MED13L: variants seen among roughly 807,000 people sequenced by gnomAD.
MED13L encodes the protein mediator of RNA polymerase II transcription subunit 13-like.
In MED13L, 7 loss-of-function variants were observed where a neutral mutation model predicts 220.9. The ratio of observed to expected loss-of-function variants is 0.03; its 90% confidence interval spans 0.02 to 0.06. MED13L has a LOEUF of 0.06. Among genes scored for constraint, MED13L ranks in the 10% least tolerant of loss-of-function variants. The pLI, the probability that MED13L is intolerant of heterozygous loss-of-function variation, is 1.00. For missense variants in MED13L, 1,965 were observed against 2,760.5 expected (o/e 0.71, Z 6.46); for synonymous variants, 1,011 against 1,015.2 (o/e 1.00, Z 0.08).
intron 17 of MED13L, among the ~76,000 whole-genome samples, chr12:115,987,631 CTTAA>C (rs1310053431): frequency 3.3e-5 from 5 of 151,966 alleles, no homozygotes; most frequent in African/African-American, 9.7e-5. Flanking sequence ...GCAAAAGTTT[CTTAA>C]TTATTACTTT....
At chr12:116,147,608 G>A (rs1032940337) in intron 2 of MED13L, among the ~76,000 whole-genome samples, 4 of 152,004 alleles carry the variant, frequency 2.6e-5, no homozygotes, top group Non-Finnish European at 5.9e-5. Flanking sequence ...TTGTATTAAC[G>A]ACTCTGCTAA....
At chr12:115,970,837 C>T (rs1592899428) in intron 26 of MED13L, 67 bp from the exon 27 acceptor site, 1 of 1,462,086 alleles carries the variant, frequency 6.8e-7, no homozygotes, top group East Asian at 2.4e-5. Flanking sequence ...TTCAGAGGGC[C>T]TGATCTGGAG....
intron 2 of MED13L, among the ~76,000 whole-genome samples, chr12:116,231,660 A>C (rs1052236626): frequency 6.6e-6 from 1 of 152,164 alleles, no homozygotes; most frequent in African/African-American, 2.4e-5. Context: ...TAATTTAATT[A>C]TATCGATATT....
In MED13L at chr12:116,015,223, C is replaced by A. The variant is rs1879654683; in HGVS notation, c.1061G>T (p.Gly354Val). The change falls in exon 8 of 31, where the codon GGA (glycine) becomes GTA (valine). Residue 354 changes from glycine to valine, a missense_variant. Coordinates refer to ENST00000281928, the MANE Select transcript of MED13L (RefSeq NM_015335.5). ...TGGACTGTGCATCGTTATCATCCCT[C>A]CATCTTGGGAAACCAGGTGACTGGC... ...SAASHLVSQDGGMITMHSPKR... is the reference protein window; with the variant it reads ...SAASHLVSQDVGMITMHSPKR... 6.2e-7 allele frequency: 1 copy of A among 1,613,848 alleles called. No homozygotes were observed.
intron 2 of MED13L, among the ~76,000 whole-genome samples, chr12:116,137,846 G>A (rs887547634): frequency 2.8e-4 from 41 of 146,508 alleles, no homozygotes; most frequent in Middle Eastern, 6.9e-3. Context: ...CCTTTATAAT[G>A]AGGTAATTTT....
At chr12:116,042,332 G>C (rs1386569882) in intron 4 of MED13L, among the ~76,000 whole-genome samples, 1 of 152,212 alleles carries the variant, frequency 6.6e-6, no homozygotes, top group Non-Finnish European at 1.5e-5. Context: ...GTGTTGGAAG[G>C]GATGAGGGGC....
chr12:116,202,156 G>A (rs1482480440), intron 2 of MED13L, among the ~76,000 whole-genome samples: 2 of 152,168 alleles, frequency 1.3e-5, no homozygotes, highest in African/African-American at 4.8e-5. Flanking sequence ...GTTTAAAGCA[G>A]GGCATGTGCA....
chr12:116,271,047 A>G (rs1873279092), intron 1 of MED13L, among the ~76,000 whole-genome samples: 1 of 148,786 alleles, frequency 6.7e-6, no homozygotes, highest in East Asian at 2.0e-4. Flanking sequence ...TCTCAAAAAA[A>G]AAAAAAAAAA....
Position 116,247,814 on chromosome 12 carries a change from G to C in MED13L, c.73-10109C>G, listed in dbSNP as rs188229775. On this transcript the variant is annotated intron_variant, in intron 1 of 30. Coordinates refer to ENST00000281928, the MANE Select transcript of MED13L (RefSeq NM_015335.5). ...AAAGTATAAAGATTTTTTAAAAGTT[G>C]GTTTATAGCGTAAGTATAAGGGCTC... is the stretch of plus-strand genomic sequence containing the variant. Among the ~76,000 whole-genome samples, 433 of 152,162 alleles carry C rather than the reference G, an allele frequency of 2.8e-3. 7 individuals carry two copies. The highest frequency in any genetic ancestry group is 1.5e-3 in the Non-Finnish European group (102 of 67,996).
intron 14 of MED13L, among the ~76,000 whole-genome samples, chr12:116,002,535 A>G (rs977031208): frequency 3.9e-5 from 6 of 152,212 alleles, no homozygotes; most frequent in African/African-American, 1.4e-4. Context: ...TGGTAAAACT[A>G]GTTGATCTCA....
At chr12:116,263,182 T>C (rs919500499) in intron 1 of MED13L, among the ~76,000 whole-genome samples, 12 of 152,154 alleles carry the variant, frequency 7.9e-5, no homozygotes, top group African/African-American at 2.7e-4. Context: ...ATAACTATTA[T>C]GTAGCTAAAT....
At chr12:116,203,881 C>T (rs1210629191) in intron 2 of MED13L, among the ~76,000 whole-genome samples, 1 of 152,080 alleles carries the variant, frequency 6.6e-6, no homozygotes, top group African/African-American at 2.4e-5. Context: ...CTCAGACTTA[C>T]GAATTGAATC....
chr12:116,109,083 TTTTTG>T lies in MED13L; in HGVS notation c.395+2340_395+2344del, dbSNP rs1278141517. 2.3e-3 allele frequency among the ~76,000 whole-genome samples: 202 copies of T among 88,088 alleles called. 1 individual carries two copies. Among genetic ancestry groups the T allele is most frequent in the African/African-American group, 6.9e-3 (105 of 15,274 alleles). 57.8% of individuals were successfully genotyped at this position (88,088 alleles called of 152,430 possible). A position where few individuals can be genotyped will look rare whatever the true frequency, so the allele number is the denominator to read the frequency against. ...TCCTTTTTTTTTTTTTTTTTTTTTT[TTTTTG>T]GAAACAGGGTCTCACTCTGTCACCC... On this transcript the variant is annotated intron_variant, in intron 3 of 30. Coordinates refer to ENST00000281928, the MANE Select transcript of MED13L (RefSeq NM_015335.5).
chr12:116,164,984 A>G (rs1427568623), intron 2 of MED13L, among the ~76,000 whole-genome samples: 1 of 152,222 alleles, frequency 6.6e-6, no homozygotes, highest in Non-Finnish European at 1.5e-5. Flanking sequence ...GTACTCATGT[A>G]AGTTTTTTGA....
At chr12:116,158,679 A>C (rs1489186153) in intron 2 of MED13L, among the ~76,000 whole-genome samples, 3 of 152,228 alleles carry the variant, frequency 2.0e-5, no homozygotes, top group Non-Finnish European at 4.4e-5. Context: ...AAAATGAAAT[A>C]AGGAAAAGAA....
chr12:116,087,818 T>C (rs1264360270), intron 4 of MED13L, among the ~76,000 whole-genome samples: 1 of 152,196 alleles, frequency 6.6e-6, no homozygotes, highest in Non-Finnish European at 1.5e-5. Context: ...AGGTTTTATA[T>C]AAATGTTAAC....
At chr12:116,225,272 T>C (rs147697331) in intron 2 of MED13L, among the ~76,000 whole-genome samples, 60 of 152,288 alleles carry the variant, frequency 3.9e-4, no homozygotes, top group African/African-American at 1.4e-3. Context: ...CAAAATGGTA[T>C]GTGCTTACTG....
chr12:115,974,873 T>C (rs933364900), intron 25 of MED13L, among the ~76,000 whole-genome samples: 4 of 152,232 alleles, frequency 2.6e-5, no homozygotes. Flanking sequence ...CTAGTTCTTC[T>C]CCCTGATTCA....
rs1200108062 is a variant in MED13L, at chr12:116,008,945, T to A, written c.1468A>T (p.Arg490Trp). Residue 490 changes from arginine to tryptophan, a missense_variant, in exon 10 of 31, where the codon AGG becomes TGG. Physicochemically the swap from Arg to Trp is moderately radical, Grantham distance 101. This residue lies in a region of MED13L where 818 missense variants were observed against 1,041.2 expected (regional missense o/e 0.79). Coordinates refer to ENST00000281928, the MANE Select transcript of MED13L (RefSeq NM_015335.5). ...CATAATTCTTCGGCCACAGAGGGCC[T>A]ATGGTGAAATGGTATTAAGGGTCTC... ...QKRPLIPFHH[R>W]PSVAEELCME... The A allele has an allele frequency of 6.2e-7, 1 of 1,614,162 alleles. No homozygotes were observed. Among genetic ancestry groups the A allele is most frequent in the Non-Finnish European group, 8.5e-7 (1 of 1,180,006 alleles).
Sources: gnomAD v4.1 joint callset for allele counts (sites outside exome capture counted in the v4.1 genomes callset) on GRCh38, gnomAD v4.1.1 for gene constraint, gnomAD v4.1.1 regional missense constraint, MANE v1.5 for transcripts, NCBI Gene and HGNC (gene_info 2026-07-23, HGNC 2026-07-21) for gene names.